TRAPPC12: variants seen among roughly 807,000 people sequenced by gnomAD.
The protein encoded by TRAPPC12 is trafficking protein particle complex subunit 12.
In TRAPPC12, 61 loss-of-function variants were observed where a neutral mutation model predicts 69.2. The observed-to-expected ratio is 0.88, with a 90% CI of 0.72 to 1.09. The LOEUF (loss-of-function observed/expected upper bound fraction) is 1.09. TRAPPC12 is among the 50% of genes least tolerant of loss of function. TRAPPC12 has a pLI of 0.00. For missense variants in TRAPPC12, 1,101 were observed against 1,016.4 expected (o/e 1.08, Z -1.13); for synonymous variants, 469 against 438.9 (o/e 1.07, Z -0.86).
Position 3,387,646 on chromosome 2 carries a change from AGGAGACCCCGGCCCC to A in TRAPPC12, c.28_42del (p.Thr10_Glu14del). On this transcript the variant is annotated inframe_deletion, in exon 2 of 12. Transcript: ENST00000324266. Reference sequence around the variant, plus strand: ...GTCATGGAGGACGCTGGCGGCGGCGAGGAGACCCCGGCCCCGGAGGCCCCGCACCCCCCTCAGCTC... The same window carrying A: ...GTCATGGAGGACGCTGGCGGCGGCGAGGAGGCCCCGCACCCCCCTCAGCTC... The A allele has an allele frequency of 6.5e-7, 1 of 1,545,158 alleles. No homozygotes were observed. Among genetic ancestry groups the A allele is most frequent in the Non-Finnish European group, 8.7e-7 (1 of 1,142,862 alleles).
At chr2:3,455,283 T>C (rs1249416332) in intron 6 of TRAPPC12, 1 of 152,270 alleles carries the variant, frequency 6.6e-6, no homozygotes, top group Non-Finnish European at 1.5e-5. Context: ...TAGGAGATAT[T>C]TTGATACAGG....
At chr2:3,411,359 G>A (rs57597414) in intron 3 of TRAPPC12, among the ~76,000 whole-genome samples, 2,026 of 152,300 alleles carry the variant, frequency 0.013, 46 homozygotes, top group African/African-American at 0.044. Context: ...ACATCAAAGC[G>A]CTGTCTGCAT....
At chr2:3,413,790 G>A (rs1662192656) in intron 3 of TRAPPC12, among the ~76,000 whole-genome samples, 1 of 152,180 alleles carries the variant, frequency 6.6e-6, no homozygotes, top group Non-Finnish European at 1.5e-5. Flanking sequence ...TGTTGAAGCA[G>A]CTAACCTGCC....
intron 2 of TRAPPC12, among the ~76,000 whole-genome samples, chr2:3,395,333 T>G (rs867967542): frequency 6.6e-5 from 10 of 152,326 alleles, no homozygotes; most frequent in Middle Eastern, 6.8e-3. Flanking sequence ...CTTTCAAACT[T>G]CGGATGTTTG....
rs755439209 is a variant in TRAPPC12 at position 3,443,756 on chromosome 2, A to G, written c.1418-23A>G. 10 of 1,604,942 alleles carry G rather than the reference A, an allele frequency of 6.2e-6. No homozygotes were observed. In the South Asian group the frequency reaches 1.1e-4, roughly 18 times the overall value. On this transcript the variant is annotated intron_variant, in intron 5 of 11. Coordinates refer to ENST00000324266, the MANE Select transcript of TRAPPC12 (RefSeq NM_016030.6). ...GTGCTCAGTTATGGCAAACAAACTC[A>G]CTCAGCACTGATTGGATTCCAGGCT...
At chr2:3,436,243 A>G (rs965108184) in intron 5 of TRAPPC12, among the ~76,000 whole-genome samples, 1 of 152,214 alleles carries the variant, frequency 6.6e-6, no homozygotes, top group Non-Finnish European at 1.5e-5. Context: ...AAAAAAATAC[A>G]TATTTTAAGT....
intron 1 of TRAPPC12, among the ~76,000 whole-genome samples, chr2:3,382,099 T>C (rs1174967138): frequency 6.6e-6 from 1 of 152,010 alleles, no homozygotes; most frequent in Non-Finnish European, 1.5e-5. Flanking sequence ...TATTTACTTA[T>C]TATTGTGTCT....
chr2:3,443,815 C>G lies in TRAPPC12; in HGVS notation c.1454C>G (p.Ala485Gly). 1 of 1,614,112 alleles carries G rather than the reference C, an allele frequency of 6.2e-7. No individual in the cohort carries two copies. Among genetic ancestry groups the G allele is most frequent in the South Asian group, 1.1e-5 (1 of 91,084 alleles). ...CCCTTCTCGATGCGCATCTTGCACG[C>G]GGAGCTTCAGCAGTACCTGGGGAAC... ...MVPFSMRILH[A>G]ELQQYLGNPQ... The change falls in exon 6 of 12, where the codon GCG becomes GGG. Residue 485 changes from alanine (A) to glycine (G), a missense_variant. By Grantham distance (60) the Ala-to-Gly change is moderately conservative. Coordinates refer to ENST00000324266, the MANE Select transcript of TRAPPC12 (RefSeq NM_016030.6).
Position 3,394,502 on chromosome 2 carries a change from T to C in TRAPPC12, c.1047+5832T>C, listed in dbSNP as rs182811514. Among the ~76,000 whole-genome samples the C allele has an allele frequency of 6.5e-4, 99 of 152,178 alleles. No homozygotes were observed. The East Asian group carries it at 7.7e-3, about 12-fold the overall frequency. On this transcript the variant is annotated intron_variant, in intron 2 of 11. Coordinates refer to ENST00000324266, the MANE Select transcript of TRAPPC12 (RefSeq NM_016030.6). ...CGGACGTGGTGGTGCACGCCTGTAG[T>C]CCCAGCTACTTGCGAGGCTGAGGCA...
intron 3 of TRAPPC12, among the ~76,000 whole-genome samples, chr2:3,409,741 C>CTTTT (rs1558358525): frequency 1.9e-5 from 1 of 51,752 alleles, no homozygotes; most frequent in Non-Finnish European, 3.7e-5. Context: ...CAAAGCAAGA[C>CTTTT]TTTGTCTTTA....
chr2:3,432,901 CTG>C (rs1663518957), intron 5 of TRAPPC12, among the ~76,000 whole-genome samples: 1 of 152,250 alleles, frequency 6.6e-6, no homozygotes, highest in South Asian at 2.1e-4. Flanking sequence ...TTGCACATGA[CTG>C]TGGCAGACGC....
intron 8 of TRAPPC12, chr2:3,462,895 C>T (rs1390883843): frequency 2.1e-6 from 1 of 471,024 alleles, no homozygotes; most frequent in Admixed American, 2.3e-5. Context: ...CGTGGCTCCG[C>T]ACATGATGGA....
intron 1 of TRAPPC12, among the ~76,000 whole-genome samples, chr2:3,383,639 T>G (rs527711871): frequency 1.1e-4 from 16 of 151,778 alleles, no homozygotes; most frequent in Non-Finnish European, 1.8e-4. Context: ...ACTCCTGACC[T>G]CGTGATACGC....
chr2:3,395,776 C>CTGGA (rs1286639037), intron 2 of TRAPPC12, among the ~76,000 whole-genome samples: 1 of 150,660 alleles, frequency 6.6e-6, no homozygotes, highest in Non-Finnish European at 1.5e-5. Context: ...GTCACTCAGG[C>CTGGA]TGGAGTGCAG....
chr2:3,387,527 T>G, intron 1 of TRAPPC12, 93 bp from the exon 2 acceptor site: 1 of 1,017,948 alleles, frequency 9.8e-7, no homozygotes. Flanking sequence ...GAAATGGAAG[T>G]CTGCGTCATT....
chr2:3,431,145 T>G (rs1162296977), intron 5 of TRAPPC12, among the ~76,000 whole-genome samples: 1 of 152,228 alleles, frequency 6.6e-6, no homozygotes, highest in Non-Finnish European at 1.5e-5. Context: ...AAAGATGCTC[T>G]CTCTCCTGGC....
chr2:3,430,304 A>G (rs965644627), intron 5 of TRAPPC12, among the ~76,000 whole-genome samples: 1 of 152,242 alleles, frequency 6.6e-6, no homozygotes, highest in Admixed American at 6.5e-5. Context: ...TGTGAGAGTG[A>G]CCATGCTAAT....
At chr2:3,382,631 A>G (rs1345903078) in intron 1 of TRAPPC12, among the ~76,000 whole-genome samples, 1 of 151,994 alleles carries the variant, frequency 6.6e-6, no homozygotes, top group Non-Finnish European at 1.5e-5. Flanking sequence ...GAGACACTTA[A>G]TGATTTTACT....
Position 3,388,038 on chromosome 2 carries a change from G to T in TRAPPC12, c.415G>T (p.Val139Phe). Reference sequence around the variant, plus strand: ...CCCGAGGCAGGACGCGGCCCGCGAGGTCCCAGGCAGCGAAGCCGCGCGCCC... The same window carrying T: ...CCCGAGGCAGGACGCGGCCCGCGAGTTCCCAGGCAGCGAAGCCGCGCGCCC... Reference protein sequence around the residue: ...GAPRQDAAREVPGSEAARPEQ... With the variant: ...GAPRQDAAREFPGSEAARPEQ... The change falls in exon 2 of 12, where the codon GTC (valine) becomes TTC (phenylalanine). Residue 139 changes from valine (V) to phenylalanine (F), a missense_variant. Val to Phe is a conservative substitution (Grantham distance 50). Coordinates refer to ENST00000324266, the MANE Select transcript of TRAPPC12 (RefSeq NM_016030.6). 1 of 1,495,746 alleles carries T rather than the reference G, an allele frequency of 6.7e-7. No individual in the cohort carries two copies. The highest frequency in any genetic ancestry group is 1.3e-5 in the South Asian group (1 of 79,710). 92.7% of individuals were successfully genotyped at this position (1,495,746 alleles called of 1,614,324 possible).
Sources: gnomAD v4.1 joint callset for allele counts (sites outside exome capture counted in the v4.1 genomes callset) on GRCh38, gnomAD v4.1.1 for gene constraint, MANE v1.5 for transcripts, NCBI Gene and HGNC (gene_info 2026-07-23, HGNC 2026-07-21) for gene names.